UNC5D: variants seen among roughly 807,000 people sequenced by gnomAD.
The protein encoded by UNC5D is unc-5 netrin receptor D.
UNC5D carries 39 observed loss-of-function variants against 105.4 expected under a neutral mutation model. The ratio of observed to expected loss-of-function variants is 0.37; its 90% CI spans 0.29 to 0.48. The LOEUF (loss-of-function observed/expected upper bound fraction) is 0.48, where lower values mean the gene tolerates loss of function less well. UNC5D is among the 20% of genes least tolerant of loss of function. The pLI is 0.98. For missense variants in UNC5D, 991 were observed against 1,202.4 expected (o/e 0.82, Z 2.60); for synonymous variants, 452 against 450.4 (o/e 1.00, Z -0.04).
At chr8:35,513,482 G>T (rs1387679540) in intron 1 of UNC5D, among the ~76,000 whole-genome samples, 1 of 152,042 alleles carries the variant, frequency 6.6e-6, no homozygotes, top group Non-Finnish European at 1.5e-5. Context: ...ACCTGCCTCT[G>T]CCTCCCAAGG....
intron 1 of UNC5D, among the ~76,000 whole-genome samples, chr8:35,285,151 G>T (rs1438240989): frequency 1.3e-5 from 2 of 152,108 alleles, no homozygotes; most frequent in East Asian, 3.9e-4. Context: ...TCACCTCTGT[G>T]GCCTATCAAC....
At chr8:35,487,688 A>G (rs1192618333) in intron 1 of UNC5D, among the ~76,000 whole-genome samples, 1 of 152,140 alleles carries the variant, frequency 6.6e-6, no homozygotes, top group Non-Finnish European at 1.5e-5. Context: ...ATACCTAAAA[A>G]TGCGGAGTGG....
chr8:35,796,442 A>C lies in UNC5D; in HGVS notation c.*5879A>C, dbSNP rs1021062760. On this transcript the variant is annotated 3_prime_UTR_variant, in exon 17 of 17. Coordinates refer to ENST00000404895, the MANE Select transcript of UNC5D (RefSeq NM_080872.4). ...ATGTCGAGTTTGCAAAAAAAAAAAAAAAAAAAAAAACTGGATGGTTGCAGA... is the reference window on the plus strand; with the variant it reads ...ATGTCGAGTTTGCAAAAAAAAAAAACAAAAAAAAAACTGGATGGTTGCAGA... 1.3e-5 allele frequency: 2 copies of C among 151,414 alleles called. No individual in the cohort carries two copies. Among genetic ancestry groups the C allele is most frequent in the Admixed American group, 6.6e-5 (1 of 15,180 alleles). 9.4% of individuals were successfully genotyped at this position (151,414 alleles called of 1,614,324 possible).
chr8:35,463,635 A>G (rs1376385338), intron 1 of UNC5D, among the ~76,000 whole-genome samples: 1 of 150,670 alleles, frequency 6.6e-6, no homozygotes, highest in Non-Finnish European at 1.5e-5. Context: ...AAAAAAAAAA[A>G]GCTAGCCAGG....
chr8:35,309,826 G>A (rs962487807), intron 1 of UNC5D, among the ~76,000 whole-genome samples: 41 of 152,116 alleles, frequency 2.7e-4, no homozygotes, highest in African/African-American at 9.7e-4. Flanking sequence ...CTGGGATAGG[G>A]CCCAAATAAT....
chr8:35,271,668 G>GGTATACATATATATGTATACAT (rs1563267898), intron 1 of UNC5D, among the ~76,000 whole-genome samples: 2,389 of 55,800 alleles, frequency 0.043, 151 homozygotes, highest in Non-Finnish European at 0.07. Flanking sequence ...TATTTATACA[G>GGTATACATATATATGTATACAT]GTATACATAT....
intron 1 of UNC5D, among the ~76,000 whole-genome samples, chr8:35,267,227 G>A (rs1016950101): frequency 2.6e-5 from 4 of 151,950 alleles, no homozygotes; most frequent in Non-Finnish European, 5.9e-5. Context: ...TCCAGGGTAA[G>A]TTTAATAAGA....
At chr8:35,320,203 G>A (rs1033567827) in intron 1 of UNC5D, among the ~76,000 whole-genome samples, 1 of 151,986 alleles carries the variant, frequency 6.6e-6, no homozygotes, top group African/African-American at 2.4e-5. Flanking sequence ...AGGACAATTC[G>A]AAGTGGGGGT....
intron 2 of UNC5D, among the ~76,000 whole-genome samples, chr8:35,559,809 C>T (rs914030577): frequency 6.6e-6 from 1 of 152,214 alleles, no homozygotes; most frequent in Non-Finnish European, 1.5e-5. Context: ...TGAAAATCCT[C>T]TAACTTTTAG....
rs117231500 is a variant in UNC5D, at chr8:35,567,583, C to T, written c.323-515C>T. 3.9e-4 allele frequency among the ~76,000 whole-genome samples: 60 copies of T among 152,270 alleles called. No homozygotes were observed. The East Asian group carries it at 6.6e-3, about 17-fold the overall frequency. ...TTTGTTGTCCTGAGCCTTTGAATGC[C>T]GATGCCTTCGTCCTTCCTCAGATTT... On this transcript the variant is annotated intron_variant, in intron 2 of 16. Coordinates refer to ENST00000404895, the MANE Select transcript of UNC5D (RefSeq NM_080872.4).
intron 8 of UNC5D, among the ~76,000 whole-genome samples, chr8:35,721,995 TTAAGA>T (rs1422346550): frequency 6.6e-6 from 1 of 152,250 alleles, no homozygotes; most frequent in African/African-American, 2.4e-5. Flanking sequence ...CTTAATGCAG[TTAAGA>T]TATTTGCCTA....
chr8:35,486,549 T>G (rs1810834601), intron 1 of UNC5D, among the ~76,000 whole-genome samples: 1 of 152,200 alleles, frequency 6.6e-6, no homozygotes, highest in Admixed American at 6.5e-5. Flanking sequence ...TTAATTATTA[T>G]TAACTAGGTT....
intron 1 of UNC5D, among the ~76,000 whole-genome samples, chr8:35,348,777 A>G (rs1335194339): frequency 6.6e-6 from 1 of 151,858 alleles, no homozygotes. Flanking sequence ...ATGCTTCCAT[A>G]CTAAGAATGT....
intron 2 of UNC5D, among the ~76,000 whole-genome samples, chr8:35,567,118 G>A (rs1586148660): frequency 6.6e-6 from 1 of 151,402 alleles, no homozygotes; most frequent in East Asian, 1.9e-4. Context: ...CTTAATAGCT[G>A]CATCTCAGTT....
intron 1 of UNC5D, among the ~76,000 whole-genome samples, chr8:35,296,571 C>A (rs544152958): frequency 2.8e-4 from 43 of 152,256 alleles, no homozygotes; most frequent in African/African-American, 1.0e-3. Context: ...AGGCGCCCAT[C>A]CCCATGACCA....
intron 1 of UNC5D, among the ~76,000 whole-genome samples, chr8:35,306,016 T>C (rs1380507831): frequency 1.3e-5 from 2 of 151,862 alleles, no homozygotes; most frequent in Non-Finnish European, 2.9e-5. Flanking sequence ...ATAATATGGC[T>C]TTCTGTGAGA....
At chr8:35,639,298 T>C (rs942075769) in intron 4 of UNC5D, among the ~76,000 whole-genome samples, 4 of 152,198 alleles carry the variant, frequency 2.6e-5, no homozygotes, top group Non-Finnish European at 5.9e-5. Context: ...GGTTGCCTGA[T>C]TTATTTGCTC....
intron 4 of UNC5D, among the ~76,000 whole-genome samples, chr8:35,647,716 C>A (rs1036499569): frequency 2.6e-5 from 4 of 152,152 alleles, no homozygotes; most frequent in African/African-American, 9.6e-5. Context: ...TATCTAATGG[C>A]AATGTGCCAG....
intron 1 of UNC5D, among the ~76,000 whole-genome samples, chr8:35,491,207 C>T (rs1470733536): frequency 1.3e-5 from 2 of 152,190 alleles, no homozygotes; most frequent in South Asian, 4.1e-4. Context: ...GACGTCCTTC[C>T]AGGAGGTATC....
Sources: gnomAD v4.1 joint callset for allele counts (sites outside exome capture counted in the v4.1 genomes callset) on GRCh38, gnomAD v4.1.1 for gene constraint, MANE v1.5 for transcripts, NCBI Gene and HGNC (gene_info 2026-07-23, HGNC 2026-07-21) for gene names.